EVI2A: variants seen among roughly 807,000 people sequenced by gnomAD.
The protein encoded by EVI2A is ecotropic viral integration site 2A.
In EVI2A, 11 loss-of-function variants were observed where a neutral mutation model predicts 13.0. The observed-to-expected ratio is 0.85, with a 90% confidence interval of 0.53 to 1.40. EVI2A has a LOEUF of 1.40. EVI2A is among the 40% of genes most tolerant of loss of function. The pLI, the probability that EVI2A is intolerant of heterozygous loss-of-function variation, is 0.00. For missense variants in EVI2A, 267 were observed against 279.5 expected (o/e 0.96, Z 0.32); for synonymous variants, 89 against 98.0 (o/e 0.91, Z 0.54).
chr17:31,318,173 G>A lies in EVI2A; in HGVS notation c.*130C>T. 8.6e-7 allele frequency: 1 copy of A among 1,164,272 alleles called. No individual in the cohort carries two copies. The highest frequency in any genetic ancestry group is 2.6e-5 in the Admixed American group (1 of 39,166). The allele number at this position is 1,164,272 out of a possible 1,614,324, so 72.1% of individuals were successfully genotyped here. ...AGGCATACTTCTCCCTGTCTCACCT[G>A]CTTGATTCTAAATTGCAAGGTCTAC... On this transcript the variant is annotated 3_prime_UTR_variant, in exon 2 of 2. Coordinates refer to ENST00000462804, the MANE Select transcript of EVI2A (RefSeq NM_014210.4).
Position 31,317,198 on chromosome 17 carries a change from G to T in EVI2A, c.*1105C>A, listed in dbSNP as rs77652736. Among the ~76,000 whole-genome samples the T allele has an allele frequency of 7.0e-3, 1,069 of 152,164 alleles. 11 individuals carry two copies. Among genetic ancestry groups the T allele is most frequent in the Middle Eastern group, 0.024 (7 of 294 alleles). On this transcript the variant is annotated 3_prime_UTR_variant, in exon 2 of 2. Coordinates refer to ENST00000462804, the MANE Select transcript of EVI2A (RefSeq NM_014210.4). ...ATTTTTGAAATGTGGCCTGATCTTA[G>T]CCCTGTGTTAATTTCAGTAGATATT...
At position 31,318,192 on chromosome 17, in the gene EVI2A, G is replaced by A. The variant is rs964346962; in HGVS notation, c.*111C>T. On this transcript the variant is annotated 3_prime_UTR_variant, in exon 2 of 2. Coordinates refer to ENST00000462804, the MANE Select transcript of EVI2A (RefSeq NM_014210.4). ...TCACCTGCTTGATTCTAAATTGCAA[G>A]GTCTACCATGTCAAATTTTAGATAA... 1.5e-6 allele frequency: 2 copies of A among 1,362,446 alleles called. No individual in the cohort carries two copies. Among genetic ancestry groups the A allele is most frequent in the Non-Finnish European group, 2.0e-6 (2 of 1,006,794 alleles). 84.4% of individuals were successfully genotyped at this position (1,362,446 alleles called of 1,614,324 possible).
chr17:31,319,837 A>T (rs898225793), intron 1 of EVI2A, among the ~76,000 whole-genome samples: 1 of 151,686 alleles, frequency 6.6e-6, no homozygotes, highest in African/African-American at 2.4e-5. Context: ...TTAAAGCATC[A>T]TTTATACCTA....
At chr17:31,320,379 A>G in intron 1 of EVI2A, 1 of 1,601,814 alleles carries the variant, frequency 6.2e-7, no homozygotes, top group Non-Finnish European at 8.5e-7. Context: ...TTACCTAGCT[A>G]GTATAGGTAG....
chr17:31,318,975 A>G lies in EVI2A; in HGVS notation c.39T>C (p.His13=), dbSNP rs768773717. Residue 13 remains histidine (H), a synonymous_variant, in exon 2 of 2, where the codon CAT becomes CAC. Coordinates refer to ENST00000462804, the MANE Select transcript of EVI2A (RefSeq NM_014210.4). ...TDMEHTGHYL[H]LAFLMTTVFS... ...AAACTGTTGTCATCAGAAAGGCAAG[A>G]TGTAGGTAATGTCCTGTGTGTTCCA... The G allele has an allele frequency of 1.3e-5, 21 of 1,612,274 alleles. No individual in the cohort carries two copies. Among genetic ancestry groups the G allele is most frequent in the Middle Eastern group, 1.6e-4 (1 of 6,084 alleles).
At chr17:31,321,132 T>C (rs1029202373) in intron 1 of EVI2A, 1 of 152,224 alleles carries the variant, frequency 6.6e-6, no homozygotes, top group African/African-American at 2.4e-5. Flanking sequence ...TTATCAGAAG[T>C]TTTCTTATAT....
chr17:31,318,846 A>G lies in EVI2A; in HGVS notation c.168T>C (p.Asn56=), dbSNP rs781729514. The G allele has an allele frequency of 3.7e-6, 6 of 1,614,028 alleles. No individual in the cohort carries two copies. Among genetic ancestry groups the G allele is most frequent in the Middle Eastern group, 1.6e-4 (1 of 6,062 alleles). Residue 56 remains asparagine, a synonymous_variant, in exon 2 of 2, where the codon AAT becomes AAC. Transcript: ENST00000462804. ...VIQNKTGRNQ[N]ENINTNPITP... ...TTATAGGGTTTGTGTTAATGTTTTC[A>G]TTTTGGTTTCTGCCTGTCTTGTTTT...
rs2069034145 is a variant in EVI2A at position 31,316,885 on chromosome 17, C to G, written c.*1418G>C. Among the ~76,000 whole-genome samples, 1 of 151,930 alleles carries G rather than the reference C, an allele frequency of 6.6e-6. No homozygotes were observed. The highest frequency in any genetic ancestry group is 2.4e-5 in the African/African-American group (1 of 41,366). On this transcript the variant is annotated 3_prime_UTR_variant, in exon 2 of 2. Transcript: ENST00000462804. The stretch of plus-strand genomic sequence containing the variant: ...TTTTTTCCTCTCATTTTAATAATAG[C>G]TAGACGTTTGAATTTGATGACCAAG...
At chr17:31,319,228 T>C (rs1023526310) in intron 1 of EVI2A, among the ~76,000 whole-genome samples, 9 of 152,230 alleles carry the variant, frequency 5.9e-5, no homozygotes, top group African/African-American at 1.9e-4. Context: ...ATTAACACTT[T>C]TAGATGCTAG....
Position 31,316,980 on chromosome 17 carries a change from A to G in EVI2A, c.*1323T>C, listed in dbSNP as rs567367085. Among the ~76,000 whole-genome samples, 205 of 152,326 alleles carry G rather than the reference A, an allele frequency of 1.3e-3. No individual in the cohort carries two copies. Among genetic ancestry groups the G allele is most frequent in the Non-Finnish European group, 2.2e-3 (153 of 68,026 alleles). On this transcript the variant is annotated 3_prime_UTR_variant, in exon 2 of 2. Transcript: ENST00000462804. ...GAGTTCACCCCATTCCAGTTGCATC[A>G]GAAGGAAGACATGGGAATTAGGCAT...
chr17:31,318,779 C>CCTGAA lies in EVI2A; in HGVS notation c.234_235insTTCAG (p.Glu79PhefsTer8), dbSNP rs1186526178. On this transcript the variant is annotated frameshift_variant, in exon 2 of 2. Coordinates refer to ENST00000462804, the MANE Select transcript of EVI2A (RefSeq NM_014210.4). LOFTEE classifies it high-confidence loss of function. ...GTTAAAGCTACGATGTGAGATGTTT[C>CCTGAA]AGGCATGTTTGTAGAATTACCTTTA... 2.9e-5 allele frequency: 46 copies of CCTGAA among 1,613,884 alleles called. No individual in the cohort carries two copies. The highest frequency in any genetic ancestry group is 3.6e-5 in the Non-Finnish European group (42 of 1,179,974).
chr17:31,319,144 T>A, intron 1 of EVI2A, 121 bp from the exon 2 acceptor site: 1 of 1,008,236 alleles, frequency 9.9e-7, no homozygotes. Flanking sequence ...ATGCCTAATA[T>A]TCGCTACCCT....
rs1173999123 is a variant in EVI2A at position 31,318,649 on chromosome 17, T to C, written c.365A>G (p.Lys122Arg). Residue 122 changes from lysine to arginine, a missense_variant, in exon 2 of 2, where the codon AAA (lysine) becomes AGA (arginine). Coordinates refer to ENST00000462804, the MANE Select transcript of EVI2A (RefSeq NM_014210.4). ...NTSKSHGEIFKKDVCAENNNN... is the reference protein window; with the variant it reads ...NTSKSHGEIFRKDVCAENNNN... ...GTTGTTTTCCGCACAGACATCCTTTTTGAAAATTTCACCATGACTTTTGCT... is the reference window on the plus strand; with the variant it reads ...GTTGTTTTCCGCACAGACATCCTTTCTGAAAATTTCACCATGACTTTTGCT... 6.2e-7 allele frequency: 1 copy of C among 1,613,988 alleles called. No homozygotes were observed. The highest frequency in any genetic ancestry group is 8.5e-7 in the Non-Finnish European group (1 of 1,180,000).
Position 31,318,545 on chromosome 17 carries a change from C to T in EVI2A, c.469G>A (p.Val157Met). The change falls in exon 2 of 2, where the codon GTG becomes ATG. Residue 157 changes from valine to methionine, a missense_variant. By Grantham distance (21) the Val-to-Met change is conservative (BLOSUM62 1). Transcript: ENST00000462804. ...GAAGAGACTTTGTTTGCCAAAACCA[C>T]AGTTGATAGAAATAGAAAGGTACAG... Reference protein sequence around the residue: ...LICTFLFLSTVVLANKVSSLR... With the variant: ...LICTFLFLSTMVLANKVSSLR... 1 of 1,614,058 alleles carries T rather than the reference C, an allele frequency of 6.2e-7. No homozygotes were observed.
rs748960979 is a variant in EVI2A at position 31,318,108 on chromosome 17, T to G, written c.*195A>C. 114 of 585,700 alleles carry G rather than the reference T, an allele frequency of 1.9e-4. No individual in the cohort carries two copies. Among genetic ancestry groups the G allele is most frequent in the Non-Finnish European group, 2.8e-4 (103 of 364,448 alleles). 36.3% of individuals were successfully genotyped at this position (585,700 alleles called of 1,614,324 possible). A position where few individuals can be genotyped will look rare whatever the true frequency, so the allele number is the denominator to read the frequency against. On this transcript the variant is annotated 3_prime_UTR_variant, in exon 2 of 2. Transcript: ENST00000462804. Reference sequence around the variant, plus strand: ...TTTTATTATTTGCTTTTTAAAATATTCAGTGTCAAAACAAAAGTACACAGT... The same window carrying G: ...TTTTATTATTTGCTTTTTAAAATATGCAGTGTCAAAACAAAAGTACACAGT...
chr17:31,320,310 T>G lies in EVI2A; in HGVS notation c.-11+1185A>C. 1.5e-6 allele frequency: 2 copies of G among 1,356,530 alleles called. 1 individual carries two copies. The highest frequency in any genetic ancestry group is 3.0e-5 in the South Asian group (2 of 67,126). The allele number at this position is 1,356,530 out of a possible 1,614,324, so 84.0% of individuals were successfully genotyped here. ...AAGAACCCTACGTATGCTATAGAAATTCTTCTCAAATGTACTTAGGAGTCC... is the reference window on the plus strand; with the variant it reads ...AAGAACCCTACGTATGCTATAGAAAGTCTTCTCAAATGTACTTAGGAGTCC... On this transcript the variant is annotated intron_variant, in intron 1 of 1. Transcript: ENST00000462804.
chr17:31,320,286 A>G, intron 1 of EVI2A: 2 of 1,109,592 alleles, frequency 1.8e-6, no homozygotes, highest in East Asian at 5.3e-5. Context: ...TGCCTGGTTA[A>G]GAACCCTACG....
In EVI2A at chr17:31,319,010, G is replaced by A. The variant is rs373310906; in HGVS notation, c.4C>T (p.Pro2Ser). The A allele has an allele frequency of 8.8e-6, 14 of 1,597,590 alleles. No individual in the cohort carries two copies. Among genetic ancestry groups the A allele is most frequent in the South Asian group, 1.1e-5 (1 of 89,404 alleles). Residue 2 changes from proline (P) to serine (S), a missense_variant, in exon 2 of 2, where the codon CCC becomes TCC. Transcript: ENST00000462804. M[P>S]TDMEHTGHYL... ...TGTCCTGTGTGTTCCATGTCCGTGG[G>A]CATGCTTGGCAATCTGTTGGGATAG... is the stretch of plus-strand genomic sequence containing the variant.
Position 31,318,380 on chromosome 17 carries a change from T to A in EVI2A, c.634A>T (p.Thr212Ser), listed in dbSNP as rs1411420552. Residue 212 changes from threonine (T) to serine (S), a missense_variant, in exon 2 of 2, where the codon ACT becomes TCT. Physicochemically the swap from Thr to Ser is moderately conservative, Grantham distance 58. Transcript: ENST00000462804. ...LTGPNLVMQS[T>S]GVLTATRERK... ...TCCCTTGTAGCTGTGAGCACTCCAGTAGATTGCATCACTAGGTTGGGTCCT... is the reference window on the plus strand; with the variant it reads ...TCCCTTGTAGCTGTGAGCACTCCAGAAGATTGCATCACTAGGTTGGGTCCT... The A allele has an allele frequency of 6.2e-7, 1 of 1,614,066 alleles. No homozygotes were observed. The highest frequency in any genetic ancestry group is 1.1e-5 in the South Asian group (1 of 91,084).
Sources: gnomAD v4.1 joint callset for allele counts (sites outside exome capture counted in the v4.1 genomes callset) on GRCh38, gnomAD v4.1.1 for gene constraint, MANE v1.5 for transcripts, NCBI Gene and HGNC (gene_info 2026-07-23, HGNC 2026-07-21) for gene names.